The following CACNA2D3 variants were observed in gnomAD, a reference collection of about 807,000 sequenced individuals.
CACNA2D3 encodes the protein calcium voltage-gated channel auxiliary subunit alpha2delta 3.
Under a neutral mutation model 160.6 loss-of-function variants are expected in CACNA2D3, and 60 were observed. That is an observed-to-expected ratio of 0.37 (90% confidence interval 0.30 to 0.46). CACNA2D3 has a LOEUF of 0.46. Among genes scored for constraint, CACNA2D3 ranks in the 20% least tolerant of loss-of-function variants. The pLI, the probability that CACNA2D3 is intolerant of heterozygous loss-of-function variation, is 1.00. For synonymous variants in CACNA2D3, 558 were observed against 492.9 expected, an observed-to-expected ratio of 1.13 and a Z score of -1.75; for missense variants, 1,205 against 1,365.0, an observed-to-expected ratio of 0.88 and a Z score of 1.85.
intron 13 of CACNA2D3, among the ~76,000 whole-genome samples, chr3:54,813,520 A>G (rs1286803344): frequency 6.6e-6 from 1 of 152,308 alleles, no homozygotes; most frequent in East Asian, 1.9e-4. Flanking sequence ...CTTGAAGGCC[A>G]TCAGCTTGGG....
intron 25 of CACNA2D3, among the ~76,000 whole-genome samples, chr3:54,891,841 G>A (rs142900261): frequency 3.9e-5 from 6 of 152,208 alleles, no homozygotes; most frequent in African/African-American, 1.4e-4. Context: ...ATTCCTGCCT[G>A]TACAAAAGTC....
At chr3:54,603,805 T>A (rs888231196) in intron 9 of CACNA2D3, among the ~76,000 whole-genome samples, 1 of 152,164 alleles carries the variant, frequency 6.6e-6, no homozygotes, top group African/African-American at 2.4e-5. Flanking sequence ...TGTAGTTCAT[T>A]GTGACAAAGA....
intron 2 of CACNA2D3, among the ~76,000 whole-genome samples, chr3:54,169,759 T>TTGTG (rs563052998): frequency 1.3e-5 from 2 of 150,258 alleles, no homozygotes; most frequent in East Asian, 3.9e-4. Context: ...GTGTGTGTGT[T>TTGTG]TGTGTGTGTG....
At chr3:54,789,914 C>G (rs927236985) in intron 13 of CACNA2D3, 2 of 507,134 alleles carry the variant, frequency 3.9e-6, no homozygotes, top group Non-Finnish European at 4.0e-6. Context: ...AGAGCCCATT[C>G]CTCTGTTTTG....
At chr3:54,703,758 A>T (rs544145166) in intron 11 of CACNA2D3, among the ~76,000 whole-genome samples, 3 of 152,336 alleles carry the variant, frequency 2.0e-5, no homozygotes, top group South Asian at 4.1e-4. Context: ...CCAAGCGCCA[A>T]GTTGCAAAAT....
chr3:54,479,153 A>G (rs1700891590), intron 4 of CACNA2D3, among the ~76,000 whole-genome samples: 1 of 152,006 alleles, frequency 6.6e-6, no homozygotes. Context: ...GTTTTATAAG[A>G]AGCTTTTCCC....
chr3:55,066,789 C>T (rs1704650235), intron 35 of CACNA2D3, among the ~76,000 whole-genome samples: 1 of 152,134 alleles, frequency 6.6e-6, no homozygotes, highest in African/African-American at 2.4e-5. Flanking sequence ...GCATTTTGAC[C>T]TATCCCTGCT....
At chr3:54,318,169 G>A (rs1051446520) in intron 2 of CACNA2D3, among the ~76,000 whole-genome samples, 4 of 152,148 alleles carry the variant, frequency 2.6e-5, no homozygotes, top group Non-Finnish European at 5.9e-5. Flanking sequence ...GCAACCACAA[G>A]GACCTGTCCT....
intron 2 of CACNA2D3, among the ~76,000 whole-genome samples, chr3:54,218,445 G>C (rs972384662): frequency 5.3e-5 from 8 of 152,230 alleles, no homozygotes; most frequent in African/African-American, 1.7e-4. Flanking sequence ...GGTATTGAAA[G>C]CTGGCTTAAG....
chr3:54,959,887 T>C (rs1701989838), intron 27 of CACNA2D3, among the ~76,000 whole-genome samples: 1 of 152,180 alleles, frequency 6.6e-6, no homozygotes, highest in Non-Finnish European at 1.5e-5. Context: ...TTTCTTCAGA[T>C]GAAGTCTGGA....
intron 5 of CACNA2D3, among the ~76,000 whole-genome samples, chr3:54,544,958 G>T (rs1424207145): frequency 6.6e-6 from 1 of 152,202 alleles, no homozygotes; most frequent in Non-Finnish European, 1.5e-5. Flanking sequence ...TTAAAAAGGT[G>T]AATTGGATAC....
chr3:54,285,683 T>G (rs989599535), intron 2 of CACNA2D3, among the ~76,000 whole-genome samples: 7 of 151,968 alleles, frequency 4.6e-5, no homozygotes, highest in Non-Finnish European at 1.0e-4. Context: ...CACCCCCCAG[T>G]AGGGGCAGAC....
At chr3:54,886,246 T>C (rs1699923318) in intron 23 of CACNA2D3, among the ~76,000 whole-genome samples, 1 of 152,164 alleles carries the variant, frequency 6.6e-6, no homozygotes, top group Non-Finnish European at 1.5e-5. Context: ...TTCAATGACC[T>C]GAAAAGTGTT....
intron 2 of CACNA2D3, among the ~76,000 whole-genome samples, chr3:54,144,594 AT>A (rs1269909028): frequency 1.3e-5 from 2 of 152,216 alleles, no homozygotes; most frequent in Non-Finnish European, 2.9e-5. Flanking sequence ...ACTCTTCCTT[AT>A]ATAGGCAAGA....
Position 54,971,744 on chromosome 3 carries a change from T to C in CACNA2D3, c.2556+1900T>C, listed in dbSNP as rs562189589. Reference sequence around the variant, plus strand: ...ACATGTTCATTCTTCAATGACTGCTTTCACAGGCAGTCTAACATGGTGGTT... The same window carrying C: ...ACATGTTCATTCTTCAATGACTGCTCTCACAGGCAGTCTAACATGGTGGTT... On this transcript the variant is annotated intron_variant, in intron 29 of 37. Coordinates refer to ENST00000474759, the MANE Select transcript of CACNA2D3 (RefSeq NM_018398.3). Among the ~76,000 whole-genome samples the C allele has an allele frequency of 4.6e-5, 7 of 152,340 alleles. No individual in the cohort carries two copies. The East Asian group carries it at 1.4e-3, about 29-fold the overall frequency.
At chr3:54,987,346 T>C (rs1702636655) in intron 30 of CACNA2D3, among the ~76,000 whole-genome samples, 1 of 152,216 alleles carries the variant, frequency 6.6e-6, no homozygotes, top group African/African-American at 2.4e-5. Context: ...AGTAGTGTTT[T>C]AATCACACGG....
At chr3:54,972,237 C>G (rs918655706) in intron 29 of CACNA2D3, among the ~76,000 whole-genome samples, 1 of 152,120 alleles carries the variant, frequency 6.6e-6, no homozygotes, top group African/African-American at 2.4e-5. Flanking sequence ...GAAAATTAAG[C>G]CTTGAAGTTG....
chr3:54,744,717 T>C (rs1190967516), intron 11 of CACNA2D3, among the ~76,000 whole-genome samples: 1 of 152,240 alleles, frequency 6.6e-6, no homozygotes, highest in Non-Finnish European at 1.5e-5. Context: ...GATGGAAGAC[T>C]TGGCTTTCCT....
intron 33 of CACNA2D3, 57 bp downstream of exon 33, chr3:55,007,899 A>G (rs935977441): frequency 2.5e-6 from 3 of 1,215,506 alleles, no homozygotes; most frequent in Middle Eastern, 2.0e-4. Flanking sequence ...TTTTTGTATC[A>G]TAAAGTGATC....
Sources: gnomAD v4.1 joint callset for allele counts (sites outside exome capture counted in the v4.1 genomes callset) on GRCh38, gnomAD v4.1.1 for gene constraint, MANE v1.5 for transcripts, NCBI Gene and HGNC (gene_info 2026-07-23, HGNC 2026-07-21) for gene names.